DAPK2: variants seen among roughly 807,000 people sequenced by gnomAD.
The protein encoded by DAPK2 is death associated protein kinase 2.
In DAPK2, 35 loss-of-function variants were observed where a neutral mutation model predicts 44.1. The ratio of observed to expected loss-of-function variants is 0.79; its 90% CI spans 0.61 to 1.05. DAPK2 has a LOEUF of 1.05. DAPK2 is among the 50% of genes least tolerant of loss of function. The pLI is 0.00. For missense variants in DAPK2, 453 were observed against 483.2 expected (o/e 0.94, Z 0.59); for synonymous variants, 174 against 182.6 (o/e 0.95, Z 0.38).
At chr15:64,031,870 G>A (rs915290445) in intron 1 of DAPK2, among the ~76,000 whole-genome samples, 12 of 152,152 alleles carry the variant, frequency 7.9e-5, no homozygotes, top group Non-Finnish European at 1.8e-4. Flanking sequence ...ATGTATGTCC[G>A]GTAAATGGAA....
chr15:63,933,521 G>A (rs1033408832), intron 4 of DAPK2, among the ~76,000 whole-genome samples: 90 of 152,052 alleles, frequency 5.9e-4, no homozygotes, highest in African/African-American at 2.2e-3. Flanking sequence ...GGGATTACAG[G>A]CGTGAGCCAC....
At chr15:63,999,773 T>G (rs903199878) in intron 1 of DAPK2, among the ~76,000 whole-genome samples, 6 of 151,908 alleles carry the variant, frequency 3.9e-5, no homozygotes, top group African/African-American at 1.5e-4. Context: ...TTTTATTTTT[T>G]TATTTTTTTT....
upstream of DAPK2, chr15:64,040,324 G>A: frequency 2.2e-6 from 3 of 1,354,368 alleles, no homozygotes; most frequent in Non-Finnish European, 3.2e-6. Context: ...ACAAGCCTAA[G>A]AGTCTAAGGC....
intron 2 of DAPK2, among the ~76,000 whole-genome samples, chr15:63,983,120 G>T (rs1228057034): frequency 6.6e-6 from 1 of 152,150 alleles, no homozygotes; most frequent in Non-Finnish European, 1.5e-5. Flanking sequence ...AGAGATGTTT[G>T]TACTTCCCCT....
At chr15:63,948,537 C>T (rs932395967) in intron 3 of DAPK2, among the ~76,000 whole-genome samples, 5 of 151,968 alleles carry the variant, frequency 3.3e-5, no homozygotes, top group East Asian at 3.9e-4. Context: ...GGGGAAAATC[C>T]GCCCCCAAGA....
chr15:64,004,368 C>A (rs917882112), intron 1 of DAPK2, among the ~76,000 whole-genome samples: 3 of 152,172 alleles, frequency 2.0e-5, no homozygotes, highest in Non-Finnish European at 4.4e-5. Flanking sequence ...AGGCGCCTAA[C>A]GTTGGCTATC....
intron 4 of DAPK2, among the ~76,000 whole-genome samples, chr15:63,934,093 T>G (rs1013291957): frequency 1.3e-5 from 2 of 152,092 alleles, no homozygotes; most frequent in Non-Finnish European, 2.9e-5. Context: ...CAACTTCTTT[T>G]TTTTAACAGC....
Position 63,926,194 on chromosome 15 carries a change from G to A in DAPK2, c.660-101C>T. ...TGCCCCATGACTGCTGCAGGGAGCT[G>A]GAAGGCTCCCAGCAACACAGCCTGC... is the stretch of plus-strand genomic sequence containing the variant. On this transcript the variant is annotated intron_variant, in intron 6 of 10. Transcript: ENST00000261891. 5.1e-6 allele frequency: 7 copies of A among 1,361,912 alleles called. No individual in the cohort carries two copies. The South Asian group carries it at 9.9e-5, about 19-fold the overall frequency. 84.4% of individuals were successfully genotyped at this position (1,361,912 alleles called of 1,614,324 possible).
chr15:64,011,621 G>A (rs894132081), intron 1 of DAPK2, among the ~76,000 whole-genome samples: 3 of 152,206 alleles, frequency 2.0e-5, no homozygotes, highest in Non-Finnish European at 4.4e-5. Context: ...TATCTGTGCT[G>A]TCTAATGTGG....
chr15:64,017,513 G>T (rs185388300), intron 1 of DAPK2, among the ~76,000 whole-genome samples: 51 of 152,278 alleles, frequency 3.3e-4, no homozygotes, highest in African/African-American at 1.2e-3. Context: ...CTAGAGAGCC[G>T]CATTCCAGGA....
intron 3 of DAPK2, among the ~76,000 whole-genome samples, chr15:63,965,264 A>G (rs559738793): frequency 6.6e-6 from 1 of 152,344 alleles, no homozygotes; most frequent in East Asian, 1.9e-4. Flanking sequence ...TATCTGGTTT[A>G]GGAGGCAGAG....
intron 4 of DAPK2, among the ~76,000 whole-genome samples, chr15:63,938,805 G>A (rs904649400): frequency 6.6e-6 from 1 of 152,178 alleles, no homozygotes; most frequent in Admixed American, 6.5e-5. Flanking sequence ...GAGGCGAGTG[G>A]GTGGATGTGG....
intron 3 of DAPK2, among the ~76,000 whole-genome samples, chr15:63,964,686 C>T (rs566197759): frequency 6.5e-4 from 98 of 151,790 alleles, no homozygotes; most frequent in Admixed American, 2.8e-3. Context: ...TATCTTCAAG[C>T]TCACTAATTC....
At chr15:63,992,106 A>G (rs76685257) in intron 1 of DAPK2, among the ~76,000 whole-genome samples, 1,695 of 152,318 alleles carry the variant, frequency 0.011, 22 homozygotes, top group Non-Finnish European at 0.017. Flanking sequence ...CTAAAGTATG[A>G]CAACTATTTT....
intron 1 of DAPK2, among the ~76,000 whole-genome samples, chr15:63,993,864 T>C (rs1023705473): frequency 2.6e-5 from 4 of 152,052 alleles, no homozygotes; most frequent in African/African-American, 9.7e-5. Context: ...GTATCACAGG[T>C]ATCATATGTT....
intron 8 of DAPK2, chr15:63,924,560 T>G (rs1371715577): frequency 6.5e-6 from 3 of 460,842 alleles, no homozygotes; most frequent in Non-Finnish European, 1.2e-5. Flanking sequence ...AGAAAAAGGG[T>G]TTCAACTGTG....
chr15:64,008,075 G>A (rs370515712), intron 1 of DAPK2, among the ~76,000 whole-genome samples: 106 of 151,982 alleles, frequency 7.0e-4, no homozygotes, highest in African/African-American at 2.0e-3. Flanking sequence ...GTAATGAAAT[G>A]TTCTAAAATT....
At chr15:63,987,125 C>A (rs2078688096) in intron 1 of DAPK2, among the ~76,000 whole-genome samples, 1 of 152,076 alleles carries the variant, frequency 6.6e-6, no homozygotes, top group East Asian at 1.9e-4. Context: ...CGGAGGATAA[C>A]AGGAGTGAAA....
At chr15:63,970,576 T>C (rs936779990) in intron 3 of DAPK2, among the ~76,000 whole-genome samples, 1 of 152,122 alleles carries the variant, frequency 6.6e-6, no homozygotes, top group Admixed American at 6.5e-5. Flanking sequence ...GATGAAGTAA[T>C]CTCAGACAGG....
Sources: allele counts gnomAD v4.1 joint callset (sites outside exome capture counted in the v4.1 genomes callset), GRCh38; gene constraint gnomAD v4.1.1; transcripts MANE v1.5; gene names NCBI Gene and HGNC (gene_info 2026-07-23, HGNC 2026-07-21).